CCDC102B: variants seen among roughly 807,000 people sequenced by gnomAD.
CCDC102B encodes coiled-coil domain-containing protein 102B.
Under a neutral mutation model 57.4 loss-of-function variants are expected in CCDC102B, and 75 were observed. The observed-to-expected ratio is 1.31, with a 90% CI of 1.08 to 1.58. CCDC102B has a LOEUF of 1.58. Among genes scored for constraint, CCDC102B ranks in the 40% most tolerant of loss-of-function variants. CCDC102B has a pLI of 0.00. For synonymous variants in CCDC102B, 206 were observed against 201.9 expected, an observed-to-expected ratio of 1.02 and a Z score of -0.17; for missense variants, 636 against 582.6, an observed-to-expected ratio of 1.09 and a Z score of -0.94.
intron 2 of CCDC102B, among the ~76,000 whole-genome samples, chr18:68,755,308 A>T (rs1386995944): frequency 1.3e-5 from 2 of 152,126 alleles, no homozygotes; most frequent in Non-Finnish European, 2.9e-5. Flanking sequence ...ATTCATCATT[A>T]TTTAGCTCAG....
rs1053677471 is a variant in CCDC102B at position 68,765,074 on chromosome 18, T to TAAATAAATAAATAAAG, written c.-67+48482_-67+48483insATAAATAAATAAAGAA. Among the ~76,000 whole-genome samples the TAAATAAATAAATAAAG allele has an allele frequency of 4.5e-3, 662 of 148,014 alleles. 7 individuals are homozygous for TAAATAAATAAATAAAG. The highest frequency in any genetic ancestry group is 0.016 in the African/African-American group (648 of 39,912). ...ATAAATAAATAAATAAATAAATAAA[T>TAAATAAATAAATAAAG]AAGCTGGGGATGGTGGTGCATGTCT... is the stretch of plus-strand genomic sequence containing the variant. On this transcript the variant is annotated intron_variant, in intron 2 of 3. Coordinates refer to the CCDC102B transcript ENST00000578970.
intron 3 of CCDC102B, among the ~76,000 whole-genome samples, chr18:68,842,365 T>C (rs2037672007): frequency 6.6e-6 from 1 of 152,130 alleles, no homozygotes; most frequent in Non-Finnish European, 1.5e-5. Context: ...ACTCATGGAA[T>C]ATTCAATAAA....
chr18:68,919,943 G>A (rs563171817), intron 6 of CCDC102B, among the ~76,000 whole-genome samples: 12 of 152,034 alleles, frequency 7.9e-5, no homozygotes, highest in East Asian at 3.9e-4. Flanking sequence ...CAATGATGCC[G>A]TACCCCAAGG....
chr18:69,007,377 T>C (rs1201875769), intron 6 of CCDC102B, among the ~76,000 whole-genome samples: 1 of 152,240 alleles, frequency 6.6e-6, no homozygotes, highest in Non-Finnish European at 1.5e-5. Context: ...ATTGTTGTTG[T>C]CACTCAAGGC....
intron 1 of CCDC102B, among the ~76,000 whole-genome samples, chr18:68,800,372 C>T (rs138573302): frequency 3.9e-5 from 6 of 152,164 alleles, no homozygotes; most frequent in Admixed American, 2.0e-4. Flanking sequence ...AGATCCATTC[C>T]GATATTCTAT....
chr18:68,759,313 T>A (rs2034172580), intron 2 of CCDC102B, among the ~76,000 whole-genome samples: 1 of 152,084 alleles, frequency 6.6e-6, no homozygotes, highest in Non-Finnish European at 1.5e-5. Flanking sequence ...TCAAGAAAAT[T>A]TTATAGGAAC....
chr18:68,969,112 C>G (rs1163876209), intron 6 of CCDC102B, among the ~76,000 whole-genome samples: 1 of 152,092 alleles, frequency 6.6e-6, no homozygotes, highest in African/African-American at 2.4e-5. Flanking sequence ...ATTTGGATGG[C>G]CACCCCTAGA....
At chr18:69,021,567 A>G (rs2051833257) in intron 7 of CCDC102B, among the ~76,000 whole-genome samples, 2 of 152,232 alleles carry the variant, frequency 1.3e-5, no homozygotes, top group African/African-American at 4.8e-5. Context: ...ACGTTGTGAG[A>G]GATATTCAAT....
At chr18:68,937,932 T>C (rs1198879565) in intron 6 of CCDC102B, among the ~76,000 whole-genome samples, 2 of 152,104 alleles carry the variant, frequency 1.3e-5, no homozygotes, top group African/African-American at 2.4e-5. Context: ...GGAAAGGACA[T>C]GAACTCATCC....
chr18:68,998,627 T>C (rs1284406847), intron 6 of CCDC102B, among the ~76,000 whole-genome samples: 1 of 102,104 alleles, frequency 9.8e-6, no homozygotes, highest in Non-Finnish European at 2.3e-5. Flanking sequence ...GCTTTCAGTC[T>C]GTGGCCAAAG....
chr18:68,879,651 T>C (rs2039602269), intron 5 of CCDC102B, among the ~76,000 whole-genome samples: 1 of 152,086 alleles, frequency 6.6e-6, no homozygotes, highest in South Asian at 2.1e-4. Flanking sequence ...CACAGGGCGC[T>C]GATTGGTGTA....
At chr18:69,011,856 G>C (rs768202862) in intron 7 of CCDC102B, among the ~76,000 whole-genome samples, 27 of 151,948 alleles carry the variant, frequency 1.8e-4, no homozygotes, top group South Asian at 4.1e-4. Flanking sequence ...ATGCAAAACA[G>C]TTGGAAATAA....
intron 2 of CCDC102B, among the ~76,000 whole-genome samples, chr18:68,774,304 A>G (rs912923397): frequency 1.3e-5 from 2 of 151,424 alleles, no homozygotes; most frequent in Non-Finnish European, 2.9e-5. Flanking sequence ...GTATAGTTTT[A>G]TATAATAATT....
At chr18:68,718,497 C>T (rs1287226699) in intron 2 of CCDC102B, among the ~76,000 whole-genome samples, 4 of 152,144 alleles carry the variant, frequency 2.6e-5, no homozygotes, top group Admixed American at 1.3e-4. Context: ...TACAGGTAAA[C>T]ATCAGGTTTC....
chr18:68,784,226 A>T (rs567471), intron 2 of CCDC102B, among the ~76,000 whole-genome samples: 3 of 152,104 alleles, frequency 2.0e-5, no homozygotes, highest in South Asian at 2.1e-4. Flanking sequence ...TCTGTTTTGT[A>T]GGGGGCAGCG....
intron 6 of CCDC102B, among the ~76,000 whole-genome samples, chr18:68,981,236 C>T (rs650628): frequency 0.011 from 1,708 of 150,960 alleles, 43 homozygotes; most frequent in African/African-American, 0.039. Flanking sequence ...ATATAAAACA[C>T]GCAGAGAAAG....
intron 7 of CCDC102B, among the ~76,000 whole-genome samples, chr18:69,051,385 A>G (rs1016079525): frequency 3.3e-5 from 5 of 152,110 alleles, no homozygotes; most frequent in African/African-American, 1.2e-4. Context: ...AGAGACTTTA[A>G]GGATGACCTA....
chr18:68,971,969 G>A (rs1030171086), intron 6 of CCDC102B, among the ~76,000 whole-genome samples: 1 of 151,880 alleles, frequency 6.6e-6, no homozygotes, highest in Non-Finnish European at 1.5e-5. Context: ...TCTGTACTTT[G>A]ACTCCTGTAA....
At chr18:68,915,980 A>G (rs1399511875) in intron 6 of CCDC102B, among the ~76,000 whole-genome samples, 3 of 152,200 alleles carry the variant, frequency 2.0e-5, no homozygotes, top group Non-Finnish European at 4.4e-5. Context: ...GACAAGGAAT[A>G]TTAAGCCTTA....
Sources: gnomAD v4.1 joint callset for allele counts (sites outside exome capture counted in the v4.1 genomes callset) on GRCh38, gnomAD v4.1.1 for gene constraint, MANE v1.5 for transcripts, NCBI Gene and HGNC (gene_info 2026-07-23, HGNC 2026-07-21) for gene names.